C2CD5: variants seen among roughly 807,000 people sequenced by gnomAD.
C2CD5 encodes C2 calcium dependent domain containing 5.
Under a neutral mutation model 130.3 loss-of-function variants are expected in C2CD5, and 109 were observed. The ratio of observed to expected loss-of-function variants is 0.84; its 90% confidence interval spans 0.72 to 0.98. The LOEUF is 0.98. Among genes scored for constraint, C2CD5 ranks in the 50% least tolerant of loss-of-function variants. The probability of loss-of-function intolerance (pLI) is 0.00; values close to 1 mark genes in which losing one functional copy is unlikely to be tolerated. For synonymous variants in C2CD5, 454 were observed against 429.2 expected (o/e 1.06, Z -0.71); for missense variants, 996 against 1,261.8 (o/e 0.79, Z 3.19).
intron 22 of C2CD5, chr12:22,464,009 TA>T (rs1941646574): frequency 6.6e-6 from 1 of 152,222 alleles, no homozygotes; most frequent in African/African-American, 2.4e-5. Context: ...TTTATAAGTA[TA>T]AAATCTAACT....
intron 7 of C2CD5, among the ~76,000 whole-genome samples, chr12:22,519,429 A>C (rs1339858400): frequency 6.6e-6 from 1 of 152,154 alleles, no homozygotes; most frequent in Non-Finnish European, 1.5e-5. Flanking sequence ...ACATAGTTTT[A>C]AAGTATCCGA....
At chr12:22,543,975 A>T in intron 2 of C2CD5, 86 bp downstream of exon 2, 1 of 1,005,656 alleles carries the variant, frequency 9.9e-7, no homozygotes, top group Non-Finnish European at 1.6e-6. Context: ...AGGGGGGAAT[A>T]GGCTGAGGGG....
intron 2 of C2CD5, among the ~76,000 whole-genome samples, chr12:22,538,013 C>A (rs1951987331): frequency 6.6e-6 from 1 of 152,274 alleles, no homozygotes; most frequent in Admixed American, 6.5e-5. Flanking sequence ...AGTGGAAATT[C>A]TCTCAATCAA....
At chr12:22,464,809 A>T (rs544388188) in intron 22 of C2CD5, among the ~76,000 whole-genome samples, 2 of 152,308 alleles carry the variant, frequency 1.3e-5, no homozygotes, top group South Asian at 4.1e-4. Context: ...AAATGCTTTT[A>T]ATTAGTATAA....
Position 22,472,027 on chromosome 12 carries a change from G to A in C2CD5, c.2208C>T (p.Leu736=). The change falls in exon 19 of 27, where the codon CTC becomes CTT. Residue 736 remains leucine (L), a synonymous_variant. Coordinates refer to ENST00000446597, the MANE Select transcript of C2CD5 (RefSeq NM_001286176.2). ...TATTGAGAGCTTGATTAGTCAGGTT[G>A]AGGCTGCTTAATCTGATTACTCTTA... ...TSVRVIRLSS[L]NLTNQALNKN... The A allele has an allele frequency of 2.5e-6, 4 of 1,607,542 alleles. No individual in the cohort carries two copies. The highest frequency in any genetic ancestry group is 3.4e-6 in the Non-Finnish European group (4 of 1,175,320).
At chr12:22,471,322 C>T (rs1283581794) in intron 20 of C2CD5, 77 bp downstream of exon 20, 2 of 841,040 alleles carry the variant, frequency 2.4e-6, no homozygotes, top group Non-Finnish European at 1.9e-6. Flanking sequence ...TTAATTACGG[C>T]AAAATTATGA....
intron 3 of C2CD5, among the ~76,000 whole-genome samples, chr12:22,530,907 T>C (rs1179264824): frequency 6.6e-6 from 1 of 152,190 alleles, no homozygotes; most frequent in Admixed American, 6.5e-5. Flanking sequence ...AAATGAAATA[T>C]CATTTTTTAA....
At chr12:22,450,111 C>T (rs914547181) in intron 26 of C2CD5, among the ~76,000 whole-genome samples, 6 of 151,892 alleles carry the variant, frequency 4.0e-5, no homozygotes, top group East Asian at 1.9e-4. Flanking sequence ...TATTCAAGCC[C>T]GCTATTAGAG....
chr12:22,454,101 G>A, intron 25 of C2CD5, 59 bp from the exon 26 acceptor site: 1 of 1,317,342 alleles, frequency 7.6e-7, no homozygotes, highest in Non-Finnish European at 1.1e-6. Flanking sequence ...ATATAGGAAT[G>A]CACACAAAAT....
chr12:22,457,566 T>A (rs919422206), intron 24 of C2CD5, among the ~76,000 whole-genome samples: 2 of 152,190 alleles, frequency 1.3e-5, no homozygotes, highest in Non-Finnish European at 2.9e-5. Flanking sequence ...GACGACTTCA[T>A]CATTGTCAAC....
intron 8 of C2CD5, 79 bp downstream of exon 8, chr12:22,517,907 G>T: frequency 8.1e-7 from 1 of 1,228,592 alleles, no homozygotes; most frequent in African/African-American, 1.5e-5. Context: ...CAAGAGGAAA[G>T]ATTTGGATGG....
chr12:22,478,161 C>T (rs1944144880), intron 15 of C2CD5, 152 bp downstream of exon 15: 2 of 647,486 alleles, frequency 3.1e-6, no homozygotes, highest in Admixed American at 5.0e-5. Flanking sequence ...GAAAAGGAGA[C>T]AGTTGAGCAA....
At chr12:22,518,372 T>C (rs1408084345) in intron 7 of C2CD5, among the ~76,000 whole-genome samples, 2 of 151,782 alleles carry the variant, frequency 1.3e-5, no homozygotes, top group Non-Finnish European at 1.5e-5. Flanking sequence ...CAAAAAAGCA[T>C]GAAATGACAG....
intron 16 of C2CD5, among the ~76,000 whole-genome samples, chr12:22,473,079 G>GA (rs1332745449): frequency 4.6e-5 from 7 of 151,984 alleles, no homozygotes; most frequent in Non-Finnish European, 7.4e-5. Context: ...TAAAGACAAA[G>GA]ACATCATAAG....
chr12:22,510,025 T>C (rs1031252403), intron 9 of C2CD5, among the ~76,000 whole-genome samples: 1 of 152,088 alleles, frequency 6.6e-6, no homozygotes, highest in African/African-American at 2.4e-5. Context: ...GTCAACATAC[T>C]GAAACCCCGT....
intron 3 of C2CD5, among the ~76,000 whole-genome samples, chr12:22,530,852 T>C (rs1300792230): frequency 2.0e-5 from 3 of 152,164 alleles, no homozygotes; most frequent in African/African-American, 7.2e-5. Context: ...GCTGCTTGAG[T>C]ACTCACTAGC....
In C2CD5 at chr12:22,471,835, GAGGTA is replaced by G. The variant is rs1943093790; in HGVS notation, c.2268+127_2268+131del. On this transcript the variant is annotated intron_variant, in intron 19 of 26. Coordinates refer to ENST00000446597, the MANE Select transcript of C2CD5 (RefSeq NM_001286176.2). ...AACTTTAGTATCTCACCCGCTGATA[GAGGTA>G]AGGTAAGTAGGTAAGAATGATTCAG... The G allele has an allele frequency of 5.8e-5, 35 of 604,928 alleles. 1 individual carries two copies. The highest frequency in any genetic ancestry group is 5.1e-4 in the South Asian group (25 of 48,718). The allele number at this position is 604,928 out of a possible 1,614,324, so 37.5% of individuals were successfully genotyped here.
intron 14 of C2CD5, among the ~76,000 whole-genome samples, chr12:22,482,215 C>G (rs528645417): frequency 8.7e-4 from 133 of 152,186 alleles, no homozygotes; most frequent in African/African-American, 3.2e-3. Context: ...AACTCAGTTC[C>G]CTGCAACAAA....
rs1465470510 is a variant in C2CD5, at chr12:22,506,817, T to C, written c.1041A>G (p.Glu347=). The change falls in exon 10 of 27, where the codon GAA becomes GAG. Residue 347 remains glutamate, a splice_region_variant and synonymous_variant. Coordinates refer to ENST00000446597, the MANE Select transcript of C2CD5 (RefSeq NM_001286176.2). ...ATGCCGTCAAGGTAAAAAATGGAAA[T>C]TCCTAGTGGAAAGAATAAGGGAAAA... ...QQTQSALEQR[E]FPFFTLTAFP... is the part of the protein sequence containing the mutation. 3.8e-6 allele frequency: 6 copies of C among 1,567,758 alleles called. No individual in the cohort carries two copies. Among genetic ancestry groups the C allele is most frequent in the Non-Finnish European group, 4.4e-6 (5 of 1,137,914 alleles).
Sources: gnomAD v4.1 joint callset for allele counts (sites outside exome capture counted in the v4.1 genomes callset) on GRCh38, gnomAD v4.1.1 for gene constraint, MANE v1.5 for transcripts, NCBI Gene and HGNC (gene_info 2026-07-23, HGNC 2026-07-21) for gene names.